Variants in KDM4B observed in about 807,000 individuals in gnomAD.
KDM4B encodes the protein lysine demethylase 4B, also known as lysine-specific demethylase 4B.
Under a neutral mutation model 125.2 loss-of-function variants are expected in KDM4B, and 32 were observed. That is an observed-to-expected ratio of 0.26 (90% CI 0.19 to 0.34). The LOEUF (loss-of-function observed/expected upper bound fraction) is 0.34. Ranked by LOEUF, KDM4B falls within the 10% of genes least tolerant of loss-of-function variation. The pLI, the probability that KDM4B is intolerant of heterozygous loss-of-function variation, is 1.00. For synonymous variants in KDM4B, 721 were observed against 677.9 expected (o/e 1.06, Z -0.99); for missense variants, 1,190 against 1,577.7 (o/e 0.75, Z 4.16).
chr19:5,063,764 C>A (rs536847661), intron 6 of KDM4B, among the ~76,000 whole-genome samples: 1 of 152,254 alleles, frequency 6.6e-6, no homozygotes, highest in Non-Finnish European at 1.5e-5. Context: ...ACATAGAAGG[C>A]GCTCAGAGAA....
intron 4 of KDM4B, 152 bp from the exon 5 acceptor site, chr19:5,040,985 A>C: frequency 2.0e-6 from 1 of 511,460 alleles, no homozygotes; most frequent in Non-Finnish European, 3.6e-6. Context: ...ACCCGGAAGC[A>C]GGTTGCGTGG....
intron 6 of KDM4B, among the ~76,000 whole-genome samples, chr19:5,048,595 CG>C (rs2037113517): frequency 9.6e-6 from 1 of 104,258 alleles, no homozygotes; most frequent in Admixed American, 1.1e-4. Flanking sequence ...GAGTTGTAAG[CG>C]GGGAGAGGGG....
intron 21 of KDM4B, among the ~76,000 whole-genome samples, chr19:5,145,626 G>A (rs2039827961): frequency 6.6e-6 from 1 of 152,092 alleles, no homozygotes; most frequent in South Asian, 2.1e-4. Flanking sequence ...TAAAAGCGTG[G>A]AATTTTAGGA....
intron 11 of KDM4B, among the ~76,000 whole-genome samples, chr19:5,122,816 C>T (rs1010589590): frequency 3.9e-5 from 6 of 152,236 alleles, no homozygotes; most frequent in Non-Finnish European, 5.9e-5. Flanking sequence ...AGACACGCTG[C>T]TGTGTGCTCC....
intron 1 of KDM4B, among the ~76,000 whole-genome samples, chr19:4,977,810 G>T (rs1867420252): frequency 6.6e-6 from 1 of 152,182 alleles, no homozygotes; most frequent in East Asian, 1.9e-4. Context: ...AAGCTGGCCA[G>T]CCTCGGCGCC....
At chr19:5,016,816 C>T (rs1218898422) in intron 2 of KDM4B, among the ~76,000 whole-genome samples, 1 of 152,212 alleles carries the variant, frequency 6.6e-6, no homozygotes, top group African/African-American at 2.4e-5. Context: ...CCCAGCCGCC[C>T]CGGGTTTAGT....
At chr19:5,069,181 C>T (rs1368460789) in intron 6 of KDM4B, among the ~76,000 whole-genome samples, 1 of 152,186 alleles carries the variant, frequency 6.6e-6, no homozygotes, top group Non-Finnish European at 1.5e-5. Flanking sequence ...GTGCTGGGGT[C>T]GCCTTGGCTG....
chr19:4,978,804 G>C (rs1020326903), intron 1 of KDM4B, among the ~76,000 whole-genome samples: 1 of 152,204 alleles, frequency 6.6e-6, no homozygotes, highest in Non-Finnish European at 1.5e-5. Flanking sequence ...TGGTCACTGG[G>C]AGCTCGGGCA....
intron 9 of KDM4B, among the ~76,000 whole-genome samples, chr19:5,106,975 G>A (rs1000567283): frequency 2.6e-5 from 4 of 152,338 alleles, no homozygotes; most frequent in Admixed American, 6.5e-5. Context: ...CAGAGAATGC[G>A]GCGTATTTGG....
At position 5,082,934 on chromosome 19, in the gene KDM4B, C is replaced by T. The variant is rs1160523407; in HGVS notation, c.918+430C>T. Among the ~76,000 whole-genome samples the T allele has an allele frequency of 6.6e-6, 1 of 152,190 alleles. No homozygotes were observed. Among genetic ancestry groups the T allele is most frequent in the Non-Finnish European group, 1.5e-5 (1 of 68,028 alleles). ...TTTGCTGACATCTCTCTCCTGGGGG[C>T]CGCTTGGCCAGGCAGGAGCCCACTC... On this transcript the variant is annotated intron_variant, in intron 9 of 22. Coordinates refer to ENST00000159111, the MANE Select transcript of KDM4B (RefSeq NM_015015.3). The surrounding 1 kb of genome is among the most constrained non-coding windows in gnomAD (Gnocchi z 5.4).
At chr19:5,133,832 A>C in intron 13 of KDM4B, 51 bp from the exon 14 acceptor site, 1 of 1,589,850 alleles carries the variant, frequency 6.3e-7, no homozygotes, top group Non-Finnish European at 8.6e-7. Flanking sequence ...TCCTTGGACG[A>C]GTTTTTAGGG....
intron 5 of KDM4B, among the ~76,000 whole-genome samples, chr19:5,041,978 G>A (rs877287): frequency 0.26 from 39,519 of 152,192 alleles, 5,388 homozygotes; most frequent in Non-Finnish European, 0.3. Flanking sequence ...TTATGACACG[G>A]AGGATTCTGT....
At chr19:5,105,316 C>T (rs933775907) in intron 9 of KDM4B, among the ~76,000 whole-genome samples, 6 of 152,276 alleles carry the variant, frequency 3.9e-5, no homozygotes, top group Admixed American at 3.9e-4. Context: ...GCAACAGACA[C>T]ACCTGCGATT....
chr19:4,980,207 A>T (rs1599344907), intron 1 of KDM4B, among the ~76,000 whole-genome samples: 1 of 151,822 alleles, frequency 6.6e-6, no homozygotes, highest in African/African-American at 2.4e-5. Context: ...ACACAAAGGC[A>T]CTCTGCCTCC....
At chr19:5,024,015 T>G (rs1039791782) in intron 2 of KDM4B, among the ~76,000 whole-genome samples, 4 of 152,110 alleles carry the variant, frequency 2.6e-5, no homozygotes, top group African/African-American at 9.7e-5. Flanking sequence ...CCTCCCACAG[T>G]GCTGGGGTCA....
intron 9 of KDM4B, among the ~76,000 whole-genome samples, chr19:5,090,155 C>T (rs1253840184): frequency 6.6e-6 from 1 of 152,132 alleles, no homozygotes; most frequent in Non-Finnish European, 1.5e-5. Flanking sequence ...TGAGCGCCTG[C>T]CGTGTGCAGG....
intron 7 of KDM4B, chr19:5,075,678 A>C (rs1481929120): frequency 6.6e-6 from 1 of 152,186 alleles, no homozygotes; most frequent in Non-Finnish European, 1.5e-5. Flanking sequence ...GCGCTGCTTT[A>C]AGTCAGCTGC....
rs558015054 is a variant in KDM4B, at chr19:5,114,090, C to T, written c.1115+3272C>T. ...CTGGCGGGTGCCCTCAGCCTCCCCA[C>T]TCCCGGTGGCGCTGTGCGTTCTGGT... is the stretch of plus-strand genomic sequence containing the variant. On this transcript the variant is annotated intron_variant, in intron 10 of 22. Transcript: ENST00000159111. The surrounding 1 kb of genome is among the most constrained non-coding windows in gnomAD (Gnocchi z 5.8). 209 of 1,289,510 alleles carry T rather than the reference C, an allele frequency of 1.6e-4. No homozygotes were observed. Among genetic ancestry groups the T allele is most frequent in the South Asian group, 1.9e-4 (15 of 81,006 alleles). 79.9% of individuals were successfully genotyped at this position (1,289,510 alleles called of 1,614,324 possible).
In KDM4B at chr19:5,114,941, C is replaced by T. The variant is rs886450076; in HGVS notation, c.1115+4123C>T. ...ATTTGGCTCATAGGAATGAGCCCAG[C>T]GGCGTCCAGTTAAGCCTGGCAGGCT... On this transcript the variant is annotated intron_variant, in intron 10 of 22. Coordinates refer to ENST00000159111, the MANE Select transcript of KDM4B (RefSeq NM_015015.3). The surrounding 1 kb of genome is among the most constrained non-coding windows in gnomAD (Gnocchi z 5.8). 5.3e-5 allele frequency among the ~76,000 whole-genome samples: 8 copies of T among 152,358 alleles called. No individual in the cohort carries two copies. Among genetic ancestry groups the T allele is most frequent in the African/African-American group, 1.9e-4 (8 of 41,582 alleles).
Sources: allele counts gnomAD v4.1 joint callset (sites outside exome capture counted in the v4.1 genomes callset), GRCh38; gene constraint gnomAD v4.1.1; non-coding constraint Gnocchi (gnomAD v3.1); transcripts MANE v1.5; gene names NCBI Gene and HGNC (gene_info 2026-07-23, HGNC 2026-07-21).